Variants in SHQ1 observed in about 807,000 individuals in gnomAD.
The protein encoded by SHQ1 is protein SHQ1 homolog.
Under a neutral mutation model 53.8 loss-of-function variants are expected in SHQ1, and 49 were observed. That is an observed-to-expected ratio of 0.91 (90% CI 0.72 to 1.16). The LOEUF is 1.16. Ranked by LOEUF, SHQ1 falls within the 50% of genes most tolerant of loss-of-function variation. SHQ1 has a pLI of 0.00. For synonymous variants in SHQ1, 243 were observed against 251.0 expected, an observed-to-expected ratio of 0.97 and a Z score of 0.30; for missense variants, 738 against 683.1, an observed-to-expected ratio of 1.08 and a Z score of -0.90.
chr3:72,751,535 T>TATATATATATATATATATATAC (rs1444853961), intron 10 of SHQ1, among the ~76,000 whole-genome samples: 20 of 139,944 alleles, frequency 1.4e-4, no homozygotes, highest in African/African-American at 3.3e-4. Flanking sequence ...TATATACATA[T>TATATATATATATATATATATAC]ACATACACTA....
chr3:72,829,795 C>A (rs1180214483), intron 5 of SHQ1, among the ~76,000 whole-genome samples: 1 of 152,150 alleles, frequency 6.6e-6, no homozygotes, highest in Non-Finnish European at 1.5e-5. Flanking sequence ...AGAATACTGA[C>A]TGAATTCTTT....
At chr3:72,777,056 C>CTTTTTTGTATGTT (rs1705972247) in intron 10 of SHQ1, among the ~76,000 whole-genome samples, 1 of 152,114 alleles carries the variant, frequency 6.6e-6, no homozygotes, top group Admixed American at 6.6e-5. Flanking sequence ...AAATCTATTC[C>CTTTTTTGTATGTT]AGGTGGACTA....
At chr3:72,838,071 GCA>G (rs1708054516) in intron 4 of SHQ1, among the ~76,000 whole-genome samples, 1 of 152,226 alleles carries the variant, frequency 6.6e-6, no homozygotes, top group Non-Finnish European at 1.5e-5. Context: ...GTAACATGGT[GCA>G]CACACCATAC....
At chr3:72,846,329 C>CT in intron 1 of SHQ1, 1 of 1,515,742 alleles carries the variant, frequency 6.6e-7, no homozygotes, top group East Asian at 2.5e-5. Flanking sequence ...CAGTCTCGCT[C>CT]TGTTACTCAG....
At chr3:72,845,490 A>C (rs1367520514) in intron 1 of SHQ1, among the ~76,000 whole-genome samples, 1 of 151,098 alleles carries the variant, frequency 6.6e-6, no homozygotes, top group Non-Finnish European at 1.5e-5. Flanking sequence ...GTGTCCAAAA[A>C]AAAAAAAAGA....
chr3:72,798,262 C>T (rs923994093), intron 9 of SHQ1, among the ~76,000 whole-genome samples: 1 of 152,178 alleles, frequency 6.6e-6, no homozygotes, highest in African/African-American at 2.4e-5. Context: ...ACTAACAGCT[C>T]TCTCCAGGAC....
chr3:72,809,801 A>G lies in SHQ1; in HGVS notation c.1060+2870T>C, dbSNP rs199624143. ...CGGCAAAACCCCGCCTCTCCTAAAC[A>G]TACAAATATTAGCCAGGCGTGGTGG... On this transcript the variant is annotated intron_variant, in intron 9 of 10. Transcript: ENST00000325599. 2.6e-5 allele frequency: 4 copies of G among 151,984 alleles called. No homozygotes were observed. In the East Asian group the frequency reaches 7.7e-4, roughly 29 times the overall value. 9.4% of individuals were successfully genotyped at this position (151,984 alleles called of 1,614,324 possible).
downstream of SHQ1, among the ~76,000 whole-genome samples, chr3:72,746,058 G>A (rs947643560): frequency 6.6e-6 from 1 of 152,144 alleles, no homozygotes; most frequent in Non-Finnish European, 1.5e-5. Flanking sequence ...GGCCAGGCTG[G>A]TCTCGAACTC....
chr3:72,827,774 A>C (rs1382639387), intron 5 of SHQ1, among the ~76,000 whole-genome samples: 1 of 74,782 alleles, frequency 1.3e-5, no homozygotes, highest in Non-Finnish European at 2.5e-5. Context: ...TTTTTTTTTG[A>C]GACAGAGTCT....
intron 1 of SHQ1, chr3:72,846,298 C>CTT (rs745807243): frequency 6.6e-4 from 932 of 1,416,880 alleles, no homozygotes; most frequent in South Asian, 1.3e-3. Flanking sequence ...ACTGTATGTT[C>CTT]TTTTTTTTTT....
chr3:72,765,265 A>G (rs748936550), intron 10 of SHQ1, among the ~76,000 whole-genome samples: 21 of 151,908 alleles, frequency 1.4e-4, no homozygotes, highest in Non-Finnish European at 2.2e-4. Flanking sequence ...TACGGTCCAC[A>G]TGCCTGCCCC....
chr3:72,830,451 T>C (rs1263800874), intron 5 of SHQ1, among the ~76,000 whole-genome samples: 1 of 152,102 alleles, frequency 6.6e-6, no homozygotes, highest in African/African-American at 2.4e-5. Flanking sequence ...ATGGTGATAG[T>C]AATTTAAAGT....
chr3:72,843,964 C>T (rs900987384), intron 2 of SHQ1, among the ~76,000 whole-genome samples: 5 of 152,218 alleles, frequency 3.3e-5, no homozygotes, highest in Non-Finnish European at 7.3e-5. Flanking sequence ...CATAGTTTCT[C>T]TCTCACCTAC....
intron 6 of SHQ1, among the ~76,000 whole-genome samples, chr3:72,820,365 C>G (rs1382224777): frequency 1.3e-5 from 2 of 152,270 alleles, no homozygotes; most frequent in Non-Finnish European, 2.9e-5. Flanking sequence ...ACACTTCCAC[C>G]TTTTACTGAG....
chr3:72,801,972 AC>A (rs1441328646), intron 9 of SHQ1, among the ~76,000 whole-genome samples: 1 of 152,224 alleles, frequency 6.6e-6, no homozygotes, highest in Non-Finnish European at 1.5e-5. Flanking sequence ...TCCACTGTGG[AC>A]CAGCTGTGCA....
At chr3:72,734,332 C>T in the SHQ1 span, among the ~76,000 whole-genome samples, 1 of 151,144 alleles carries the variant, frequency 6.6e-6, no homozygotes, top group African/African-American at 2.4e-5. Context: ...TCTCGACTCA[C>T]TACAACCTCT....
chr3:72,752,344 G>A (rs995519454), intron 10 of SHQ1, among the ~76,000 whole-genome samples: 2 of 152,152 alleles, frequency 1.3e-5, no homozygotes, highest in African/African-American at 4.8e-5. Flanking sequence ...AGGAGATAAG[G>A]TGGGAACTGG....
intron 6 of SHQ1, among the ~76,000 whole-genome samples, chr3:72,819,625 G>A (rs1049801143): frequency 2.0e-5 from 3 of 152,102 alleles, no homozygotes; most frequent in African/African-American, 4.8e-5. Flanking sequence ...AAGAGGAAGA[G>A]GAAGGGTTGG....
intron 4 of SHQ1, among the ~76,000 whole-genome samples, chr3:72,835,653 A>G (rs1707971464): frequency 1.3e-5 from 2 of 152,172 alleles, no homozygotes; most frequent in South Asian, 4.1e-4. Context: ...ACAGCTCTGC[A>G]CAATCTAGCC....
Sources: gnomAD v4.1 joint callset for allele counts (sites outside exome capture counted in the v4.1 genomes callset) on GRCh38, gnomAD v4.1.1 for gene constraint, MANE v1.5 for transcripts, NCBI Gene and HGNC (gene_info 2026-07-23, HGNC 2026-07-21) for gene names.